TNKS1BP1: variants seen among roughly 807,000 people sequenced by gnomAD.
The protein encoded by TNKS1BP1 is CCR4-NOT transcription complex subunit 12, also known as 182 kDa tankyrase-1-binding protein.
A neutral mutation model predicts 141.1 loss-of-function variants in TNKS1BP1; 48 were observed. The observed-to-expected ratio is 0.34, with a 90% confidence interval of 0.27 to 0.43. The LOEUF (loss-of-function observed/expected upper bound fraction) is 0.43, where lower values mean the gene tolerates loss of function less well. Among genes scored for constraint, TNKS1BP1 ranks in the 20% least tolerant of loss-of-function variants. The pLI, the probability that TNKS1BP1 is intolerant of heterozygous loss-of-function variation, is 1.00. For missense variants in TNKS1BP1, 2,149 were observed against 2,226.0 expected (o/e 0.97, Z 0.70); for synonymous variants, 875 against 898.2 (o/e 0.97, Z 0.46).
At chr11:57,322,059 G>C in intron 1 of TNKS1BP1, 109 bp from the exon 2 acceptor site, 1 of 451,936 alleles carries the variant, frequency 2.2e-6, no homozygotes, top group Non-Finnish European at 3.2e-6. Context: ...GACAGGAAGA[G>C]AGAACTTGGA....
chr11:57,309,062 G>A lies in TNKS1BP1; in HGVS notation c.3649C>T (p.Pro1217Ser). The A allele has an allele frequency of 6.2e-7, 1 of 1,613,998 alleles. No homozygotes were observed. Reference protein sequence around the residue: ...GCLESGGSEEPGGIGVGEKDW... With the variant: ...GCLESGGSEESGGIGVGEKDW... ...TTCTCCCCAACTCCGATTCCCCCCG[G>A]CTCTTCAGACCCTCCACTTTCCAAA... The change falls in exon 6 of 12, where the codon CCG becomes TCG. Residue 1217 changes from proline (P) to serine (S), a missense_variant. Coordinates refer to ENST00000358252, the MANE Select transcript of TNKS1BP1 (RefSeq NM_033396.3). The surrounding 1 kb of genome is among the most constrained non-coding windows in gnomAD (Gnocchi z 4.3).
chr11:57,319,126 C>T (rs1185543756), intron 3 of TNKS1BP1, among the ~76,000 whole-genome samples: 1 of 137,732 alleles, frequency 7.3e-6, no homozygotes, highest in Non-Finnish European at 1.5e-5. Context: ...GCCTGGATGA[C>T]AGAGCGAGAC....
chr11:57,310,900 G>A (rs1425005336), intron 5 of TNKS1BP1, among the ~76,000 whole-genome samples: 1 of 152,144 alleles, frequency 6.6e-6, no homozygotes, highest in Non-Finnish European at 1.5e-5. Flanking sequence ...GGAGAGGAGT[G>A]GTCTTCACAC....
intron 6 of TNKS1BP1, among the ~76,000 whole-genome samples, chr11:57,305,207 G>A (rs1402520015): frequency 6.6e-6 from 1 of 152,140 alleles, no homozygotes; most frequent in African/African-American, 2.4e-5. Context: ...CTATGCCTGT[G>A]GCTTTGACCA....
Position 57,320,646 on chromosome 11 carries a change from G to A in TNKS1BP1, c.161C>T (p.Pro54Leu). The A allele has an allele frequency of 1.2e-6, 2 of 1,611,144 alleles. No individual in the cohort carries two copies. Among genetic ancestry groups the A allele is most frequent in the Non-Finnish European group, 1.7e-6 (2 of 1,178,366 alleles). ...PRALPAKPALPAKPSLLVPVG... is the reference protein window; with the variant it reads ...PRALPAKPALLAKPSLLVPVG... Reference sequence around the variant, plus strand: ...AGGCACCAGCAGGCTGGGTTTGGCAGGCAGGGCTGGCTTGGCAGGCAGGGC... The same window carrying A: ...AGGCACCAGCAGGCTGGGTTTGGCAAGCAGGGCTGGCTTGGCAGGCAGGGC... The change falls in exon 3 of 12, where the codon CCT becomes CTT. Residue 54 changes from proline (P) to leucine (L), a missense_variant. Physicochemically the swap from Pro to Leu is moderately conservative, Grantham distance 98 (BLOSUM62 -3). Transcript: ENST00000358252.
chr11:57,309,900 G>A lies in TNKS1BP1; in HGVS notation c.2811C>T (p.Leu937=), dbSNP rs371856981. Residue 937 remains leucine (L), a synonymous_variant, in exon 6 of 12, where the codon CTC becomes CTT. Coordinates refer to ENST00000358252, the MANE Select transcript of TNKS1BP1 (RefSeq NM_033396.3). The surrounding 1 kb of genome is among the most constrained non-coding windows in gnomAD (Gnocchi z 4.3). ...DWEFQKRDVS[L]GTYGSRAAEP... is the part of the protein sequence containing the mutation. ...CCGCAGCCCGGCTGCCATAGGTGCC[G>A]AGTGACACATCTCTCTTCTGAAACT... The A allele has an allele frequency of 2.2e-5, 35 of 1,613,970 alleles. No homozygotes were observed. Among genetic ancestry groups the A allele is most frequent in the Middle Eastern group, 1.6e-4 (1 of 6,084 alleles).
rs1855754606 is a variant in TNKS1BP1, at chr11:57,313,700, G to A, written c.988C>T (p.Pro330Ser). The A allele has an allele frequency of 2.5e-6, 4 of 1,583,722 alleles. No individual in the cohort carries two copies. In the African/African-American group the frequency reaches 4.0e-5, roughly 16 times the overall value. Residue 330 changes from proline (P) to serine (S), a missense_variant, in exon 5 of 12, where the codon CCC (proline) becomes TCC (serine). Coordinates refer to ENST00000358252, the MANE Select transcript of TNKS1BP1 (RefSeq NM_033396.3). The stretch of plus-strand genomic sequence containing the variant: ...GCTGATGGAGTCACAGCGGGGCAGG[G>A]AGAAGCCTGGGAAGCTTCAGGAGTC... ...AQTPEASQAS[P>S]CPAVTPSAPS...
At chr11:57,315,580 A>G (rs1458459983) in intron 4 of TNKS1BP1, among the ~76,000 whole-genome samples, 1 of 152,022 alleles carries the variant, frequency 6.6e-6, no homozygotes, top group Non-Finnish European at 1.5e-5. Flanking sequence ...AGAGCTGCCC[A>G]GAATCCCACG....
chr11:57,317,958 G>A, intron 3 of TNKS1BP1, 71 bp from the exon 4 acceptor site: 1 of 1,464,850 alleles, frequency 6.8e-7, no homozygotes, highest in Non-Finnish European at 9.5e-7. Context: ...AAATGTGGGA[G>A]AGTCTCCCAG....
At position 57,302,494 on chromosome 11, in the gene TNKS1BP1, C is replaced by T. The variant is rs1297010760; in HGVS notation, c.4648G>A (p.Ala1550Thr). 1 of 1,606,894 alleles carries T rather than the reference C, an allele frequency of 6.2e-7. No individual in the cohort carries two copies. Among genetic ancestry groups the T allele is most frequent in the Non-Finnish European group, 8.5e-7 (1 of 1,175,328 alleles). The change falls in exon 7 of 12, where the codon GCC (alanine) becomes ACC (threonine). Residue 1550 changes from alanine to threonine, a missense_variant. Coordinates refer to ENST00000358252, the MANE Select transcript of TNKS1BP1 (RefSeq NM_033396.3). The surrounding 1 kb of genome is among the most constrained non-coding windows in gnomAD (Gnocchi z 5.5). ...TSRRPSQGPP[A>T]RSPSQDFSFI... ...GAGAAGTCCTGACTGGGGGATCTGG[C>T]AGGAGGGCCTTGGGAGGGTCGCCGA...
rs745833501 is a variant in TNKS1BP1 at position 57,309,824 on chromosome 11, T to G, written c.2887A>C (p.Ser963Arg). The G allele has an allele frequency of 3.1e-6, 5 of 1,614,196 alleles. No individual in the cohort carries two copies. In the Admixed American group the frequency reaches 8.3e-5, roughly 27 times the overall value. ...TCAAGGGTCCTGGAGCTGCCACCACTGCTGTAGTCCCTTATCCAAGCGCTC... is the reference window on the plus strand; with the variant it reads ...TCAAGGGTCCTGGAGCTGCCACCACGGCTGTAGTCCCTTATCCAAGCGCTC... ...GKSAWIRDYS[S>R]GGSSRTLDAQ... Residue 963 changes from serine (S) to arginine (R), a missense_variant, in exon 6 of 12, where the codon AGT becomes CGT. Transcript: ENST00000358252. This position sits in a 1 kb window ranked among gnomAD's most constrained non-coding sequence, Gnocchi z 4.3.
At position 57,313,222 on chromosome 11, in the gene TNKS1BP1, A is replaced by T. The variant is rs1855742452; in HGVS notation, c.1466T>A (p.Val489Glu). 1.9e-6 allele frequency: 3 copies of T among 1,612,566 alleles called. No homozygotes were observed. Among genetic ancestry groups the T allele is most frequent in the Non-Finnish European group, 2.5e-6 (3 of 1,179,980 alleles). The change falls in exon 5 of 12, where the codon GTG (valine) becomes GAG (glutamate). Residue 489 changes from valine (V) to glutamate (E), a missense_variant. Coordinates refer to ENST00000358252, the MANE Select transcript of TNKS1BP1 (RefSeq NM_033396.3). ...TFPTRPSGLG[V>E]WRLDSPPPSP... ...GGGAGGCGGGGAGTCCAGCCGCCAC[A>T]CGCCCAGACCCGAGGGCCTCGTGGG...
At position 57,320,500 on chromosome 11, in the gene TNKS1BP1, G is replaced by A; in HGVS notation, c.307C>T (p.Pro103Ser). 1 of 1,610,670 alleles carries A rather than the reference G, an allele frequency of 6.2e-7. No individual in the cohort carries two copies. Among genetic ancestry groups the A allele is most frequent in the Non-Finnish European group, 8.5e-7 (1 of 1,177,420 alleles). Residue 103 changes from proline to serine, a missense_variant, in exon 3 of 12, where the codon CCT becomes TCT. Pro to Ser is a moderately conservative substitution (Grantham distance 74). Transcript: ENST00000358252. ...SKRPLPFAPR[P>S]AVEASTGGEA... is the part of the protein sequence containing the mutation. ...CCTCCAGTGGAGGCCTCAACCGCAG[G>A]CCTTGGTGCAAAGGGAAGGGGGCGC...
intron 2 of TNKS1BP1, among the ~76,000 whole-genome samples, 162 bp from the exon 3 acceptor site, chr11:57,320,874 T>C (rs1056654806): frequency 2.0e-5 from 3 of 152,198 alleles, no homozygotes; most frequent in Non-Finnish European, 4.4e-5. Context: ...CTTCCTTGAT[T>C]TTCTACACAC....
intron 6 of TNKS1BP1, among the ~76,000 whole-genome samples, chr11:57,306,307 C>T (rs1281010938): frequency 6.8e-6 from 1 of 146,376 alleles, no homozygotes; most frequent in African/African-American, 2.6e-5. Flanking sequence ...GAGAAAGTGC[C>T]CATAGTGTAG....
rs973392195 is a variant in TNKS1BP1, at chr11:57,322,321, C to T, written c.-65-371G>A. 1.3e-5 allele frequency: 13 copies of T among 992,392 alleles called. No homozygotes were observed. In the Admixed American group the frequency reaches 6.2e-4, roughly 48 times the overall value. 61.5% of individuals were successfully genotyped at this position (992,392 alleles called of 1,614,324 possible). On this transcript the variant is annotated intron_variant, in intron 1 of 11. Coordinates refer to ENST00000358252, the MANE Select transcript of TNKS1BP1 (RefSeq NM_033396.3). Reference sequence around the variant, plus strand: ...GCTAGAGAGCTGCAAAGTATGAAGTCTGTCTGTGAATCACCTCACGGGAGA... The same window carrying T: ...GCTAGAGAGCTGCAAAGTATGAAGTTTGTCTGTGAATCACCTCACGGGAGA...
intron 4 of TNKS1BP1, among the ~76,000 whole-genome samples, chr11:57,317,529 A>G (rs531449142): frequency 6.6e-6 from 1 of 152,382 alleles, no homozygotes; most frequent in East Asian, 1.9e-4. Flanking sequence ...TAACGTTCCC[A>G]GGACAGGCCC....
chr11:57,311,836 C>G (rs1294546677), intron 5 of TNKS1BP1, among the ~76,000 whole-genome samples: 5 of 152,272 alleles, frequency 3.3e-5, no homozygotes, highest in Non-Finnish European at 7.3e-5. Context: ...CTAACCTCCT[C>G]TGAGGCCCAG....
At position 57,313,653 on chromosome 11, in the gene TNKS1BP1, G is replaced by C. The variant is rs768311616; in HGVS notation, c.1035C>G (p.Asp345Glu). The C allele has an allele frequency of 1.7e-5, 26 of 1,558,512 alleles. 1 individual carries two copies. The highest frequency in any genetic ancestry group is 2.0e-5 in the Non-Finnish European group (23 of 1,151,614). Residue 345 changes from aspartate to glutamate, a missense_variant, in exon 5 of 12, where the codon GAC (aspartate) becomes GAG (glutamate). Asp to Glu is a conservative substitution (Grantham distance 45). Coordinates refer to ENST00000358252, the MANE Select transcript of TNKS1BP1 (RefSeq NM_033396.3). ...GGCTGGGGGTGTGGCGGGAGCCCTC[G>C]TCAGGCAGGGCTGCACTTGGAGCTG... ...TPSAPSAALP[D>E]EGSRHTPSPG...
Sources: gnomAD v4.1 joint callset for allele counts (sites outside exome capture counted in the v4.1 genomes callset) on GRCh38, gnomAD v4.1.1 for gene constraint, Gnocchi (gnomAD v3.1) non-coding constraint, MANE v1.5 for transcripts, NCBI Gene and HGNC (gene_info 2026-07-23, HGNC 2026-07-21) for gene names.